The following BACH2 variants were observed in gnomAD, a reference collection of about 807,000 sequenced individuals.
BACH2 encodes transcription regulator protein BACH2.
In BACH2, 5 loss-of-function variants were observed where a neutral mutation model predicts 61.8. The observed-to-expected ratio is 0.08, with a 90% CI of 0.04 to 0.17. The LOEUF is 0.17. Ranked by LOEUF, BACH2 falls within the 10% of genes least tolerant of loss-of-function variation. The pLI is 1.00. For missense variants in BACH2, 824 were observed against 1,091.1 expected, an observed-to-expected ratio of 0.76 and a Z score of 3.45; for synonymous variants, 446 against 440.1, an observed-to-expected ratio of 1.01 and a Z score of -0.17.
At chr6:89,938,006 T>A in intron 8 of BACH2, 138 bp downstream of exon 8, 1 of 772,164 alleles carries the variant, frequency 1.3e-6, no homozygotes, top group South Asian at 1.7e-5. Flanking sequence ...TTATTTCTGT[T>A]GAGAAACTTC....
intron 4 of BACH2, among the ~76,000 whole-genome samples, chr6:90,184,656 G>C (rs988930991): frequency 6.6e-6 from 1 of 152,194 alleles, no homozygotes; most frequent in Non-Finnish European, 1.5e-5. Flanking sequence ...CTAATACAAG[G>C]GGTAAGCCCT....
At chr6:90,202,008 G>T (rs572068960) in intron 4 of BACH2, among the ~76,000 whole-genome samples, 22 of 152,332 alleles carry the variant, frequency 1.4e-4, no homozygotes, top group African/African-American at 5.3e-4. Flanking sequence ...AATGAAAAAA[G>T]TGTTCATATT....
intron 4 of BACH2, among the ~76,000 whole-genome samples, chr6:90,196,030 A>T (rs993449618): frequency 2.0e-5 from 3 of 152,232 alleles, no homozygotes; most frequent in African/African-American, 7.2e-5. Context: ...TTTGCAAATA[A>T]AGAAACGGAG....
chr6:90,173,334 T>C (rs1767880832), intron 4 of BACH2, among the ~76,000 whole-genome samples: 1 of 152,122 alleles, frequency 6.6e-6, no homozygotes, highest in Admixed American at 6.5e-5. Flanking sequence ...ACAACATATG[T>C]CCACACAGAC....
chr6:90,054,273 C>T (rs991277611), intron 5 of BACH2, among the ~76,000 whole-genome samples: 2 of 152,212 alleles, frequency 1.3e-5, no homozygotes, highest in South Asian at 2.1e-4. Context: ...CACCCTAATA[C>T]TGCGCTTTTC....
intron 4 of BACH2, among the ~76,000 whole-genome samples, chr6:90,148,644 G>T (rs957499088): frequency 6.6e-6 from 1 of 152,052 alleles, no homozygotes; most frequent in East Asian, 1.9e-4. Context: ...CATTTAAAAG[G>T]ATGTGACCAA....
At chr6:90,270,865 G>A (rs892784688) in intron 2 of BACH2, among the ~76,000 whole-genome samples, 2 of 152,130 alleles carry the variant, frequency 1.3e-5, no homozygotes, top group Non-Finnish European at 2.9e-5. Flanking sequence ...CATGGTGCTG[G>A]TATAAAAACA....
At chr6:90,072,142 T>C (rs969443551) in intron 5 of BACH2, among the ~76,000 whole-genome samples, 5 of 152,242 alleles carry the variant, frequency 3.3e-5, no homozygotes, top group African/African-American at 1.2e-4. Flanking sequence ...TATGTTCTCC[T>C]GTTTTAAGAA....
chr6:90,250,112 T>C (rs904339800), intron 3 of BACH2, among the ~76,000 whole-genome samples: 27 of 152,206 alleles, frequency 1.8e-4, no homozygotes, highest in Admixed American at 1.2e-3. Flanking sequence ...GCCTGAACTT[T>C]TGATTTCTGA....
chr6:90,073,931 C>T (rs935901613), intron 5 of BACH2, among the ~76,000 whole-genome samples: 2 of 151,956 alleles, frequency 1.3e-5, no homozygotes, highest in African/African-American at 4.8e-5. Context: ...CAATATTACT[C>T]AAAGAAAAAA....
intron 8 of BACH2, among the ~76,000 whole-genome samples, chr6:89,937,272 T>C (rs1452504766): frequency 2.6e-5 from 4 of 152,122 alleles, no homozygotes; most frequent in African/African-American, 9.7e-5. Flanking sequence ...AGGCGTCCTA[T>C]CTCTATTCCA....
chr6:89,988,845 C>G (rs1234473694), intron 6 of BACH2, among the ~76,000 whole-genome samples: 2 of 152,196 alleles, frequency 1.3e-5, no homozygotes, highest in Non-Finnish European at 2.9e-5. Context: ...TCCTGGAGGT[C>G]CCCTGTCTAG....
rs1177859410 is a variant in BACH2, at chr6:90,251,366, G to A, written c.-275+1147C>T. ...GCACGTTCAGGGTGGTGTGGCCATA[G>A]ACGCGGATGGTTTCTTTTAAAACAG... On this transcript the variant is annotated intron_variant, in intron 3 of 8. Transcript: ENST00000257749. Among the ~76,000 whole-genome samples the A allele has an allele frequency of 2.0e-5, 3 of 152,258 alleles. No individual in the cohort carries two copies. In the East Asian group the frequency reaches 5.8e-4, roughly 29 times the overall value.
intron 4 of BACH2, among the ~76,000 whole-genome samples, chr6:90,136,612 A>G (rs995428730): frequency 5.3e-5 from 8 of 152,186 alleles, no homozygotes; most frequent in Admixed American, 3.3e-4. Flanking sequence ...TAGGAAGGAG[A>G]GGGGATATCA....
At chr6:90,085,315 G>A (rs1781887975) in intron 5 of BACH2, among the ~76,000 whole-genome samples, 1 of 152,166 alleles carries the variant, frequency 6.6e-6, no homozygotes, top group Non-Finnish European at 1.5e-5. Context: ...CGGGAAGTCT[G>A]CATTCCCTGG....
At chr6:90,031,111 T>G (rs943710831) in intron 5 of BACH2, among the ~76,000 whole-genome samples, 1 of 152,084 alleles carries the variant, frequency 6.6e-6, no homozygotes, top group African/African-American at 2.4e-5. Context: ...AACCACATGA[T>G]TATCTCAATA....
chr6:89,952,076 A>T, intron 6 of BACH2: 1 of 600,108 alleles, frequency 1.7e-6, no homozygotes, highest in East Asian at 2.9e-5. Context: ...ATCACAGCAC[A>T]GGCAGAATTG....
intron 4 of BACH2, among the ~76,000 whole-genome samples, chr6:90,158,935 T>A (rs554666717): frequency 4.7e-4 from 71 of 152,350 alleles, no homozygotes; most frequent in African/African-American, 1.7e-3. Context: ...TTAGCACTAA[T>A]AAACTACATC....
intron 8 of BACH2, among the ~76,000 whole-genome samples, 182 bp downstream of exon 8, chr6:89,937,962 A>C (rs561443993): frequency 2.2e-5 from 3 of 134,272 alleles, no homozygotes; most frequent in Admixed American, 7.1e-5. Context: ...CAGACACACA[A>C]ACACACACAC....
Sources: gnomAD v4.1 joint callset for allele counts (sites outside exome capture counted in the v4.1 genomes callset) on GRCh38, gnomAD v4.1.1 for gene constraint, MANE v1.5 for transcripts, NCBI Gene and HGNC (gene_info 2026-07-23, HGNC 2026-07-21) for gene names.